NF2: variants seen among roughly 807,000 people sequenced by gnomAD.
NF2 encodes the protein merlin.
Under a neutral mutation model 83.7 loss-of-function variants are expected in NF2, and 8 were observed. The ratio of observed to expected loss-of-function variants is 0.10; its 90% CI spans 0.06 to 0.17. The LOEUF is 0.17. NF2 is among the 10% of genes least tolerant of loss of function. The pLI, the probability that NF2 is intolerant of heterozygous loss-of-function variation, is 1.00. For synonymous variants in NF2, 266 were observed against 269.6 expected (o/e 0.99, Z 0.13); for missense variants, 533 against 744.4 (o/e 0.72, Z 3.31).
At chr22:29,683,981 A>T in intron 15 of NF2, 1 of 973,672 alleles carries the variant, frequency 1.0e-6, no homozygotes, top group South Asian at 4.8e-5. Context: ...GCAGCATAGG[A>T]TGTGTCCTTT....
chr22:29,604,215 C>T (rs2064723499), intron 1 of NF2, 103 bp downstream of exon 1: 1 of 952,312 alleles, frequency 1.1e-6, no homozygotes, highest in Admixed American at 2.0e-5. Context: ...CGGGCAGAAC[C>T]GGAAGGGCCA....
chr22:29,667,549 C>T (rs1601635193), intron 9 of NF2, among the ~76,000 whole-genome samples: 1 of 151,874 alleles, frequency 6.6e-6, no homozygotes, highest in East Asian at 1.9e-4. Flanking sequence ...CAGGTCTGGC[C>T]AAATGTTTTG....
chr22:29,697,058 C>T lies in NF2; in HGVS notation c.*2256C>T. ...TCTCGAACTCCTGACCTCAGGTGAT[C>T]CTCCCACCCCGGCTTCCCAAAGTTC... On this transcript the variant is annotated 3_prime_UTR_variant, in exon 16 of 16. Coordinates refer to ENST00000338641, the MANE Select transcript of NF2 (RefSeq NM_000268.4). The T allele has an allele frequency of 5.2e-6, 1 of 191,000 alleles. No individual in the cohort carries two copies. Among genetic ancestry groups the T allele is most frequent in the Non-Finnish European group, 1.1e-5 (1 of 91,090 alleles). 11.8% of individuals were successfully genotyped at this position (191,000 alleles called of 1,614,324 possible). A position where few individuals can be genotyped will look rare whatever the true frequency, so the allele number is the denominator to read the frequency against.
At chr22:29,653,987 G>A (rs76319789) in intron 4 of NF2, among the ~76,000 whole-genome samples, 1 of 134,936 alleles carries the variant, frequency 7.4e-6, no homozygotes, top group Non-Finnish European at 1.7e-5. Context: ...TCTAGGAAAG[G>A]AGTTTTTTTT....
intron 6 of NF2, among the ~76,000 whole-genome samples, chr22:29,656,703 C>T (rs1242247585): frequency 1.3e-5 from 2 of 152,216 alleles, no homozygotes; most frequent in African/African-American, 4.8e-5. Flanking sequence ...TGAGCCACCG[C>T]GCCCAGCCAA....
intron 1 of NF2, among the ~76,000 whole-genome samples, chr22:29,614,805 T>G (rs2065042889): frequency 6.6e-6 from 1 of 152,014 alleles, no homozygotes; most frequent in African/African-American, 2.4e-5. Context: ...CTGAGCACTT[T>G]AGGATGTTGA....
At chr22:29,608,944 C>G in intron 1 of NF2, 2 of 593,160 alleles carry the variant, frequency 3.4e-6, no homozygotes. Flanking sequence ...TCAATGCTAC[C>G]TGGCCAATTT....
At chr22:29,672,433 C>T (rs1001535389) in intron 11 of NF2, among the ~76,000 whole-genome samples, 3 of 151,836 alleles carry the variant, frequency 2.0e-5, no homozygotes, top group Non-Finnish European at 2.9e-5. Context: ...CCTGCCTCAG[C>T]CTCCTGAGCA....
At chr22:29,672,725 C>T (rs1389427477) in intron 11 of NF2, among the ~76,000 whole-genome samples, 2 of 151,882 alleles carry the variant, frequency 1.3e-5, no homozygotes, top group Non-Finnish European at 2.9e-5. Flanking sequence ...AAGCGATTCT[C>T]CTGCCTCAGC....
At chr22:29,643,309 T>TA (rs1555989078) in intron 4 of NF2, among the ~76,000 whole-genome samples, 13 of 151,414 alleles carry the variant, frequency 8.6e-5, no homozygotes, top group African/African-American at 2.7e-4. Context: ...TTTTTTTTTT[T>TA]ATTGATCATT....
At chr22:29,681,346 A>T (rs1219600369) in intron 14 of NF2, 93 bp from the exon 15 acceptor site, 24 of 1,522,462 alleles carry the variant, frequency 1.6e-5, no homozygotes, top group Non-Finnish European at 2.0e-5. Flanking sequence ...CAAACCCTAG[A>T]TCGCACACCA....
Position 29,665,058 on chromosome 22 carries a change from T to C in NF2, c.879T>C (p.Asn293=), listed in dbSNP as rs151198477. The part of the protein sequence containing the change: ...FKFNSSKLRV[N]KLILQLCIGN... The stretch of plus-strand genomic sequence containing the variant: ...TTAACTCCTCAAAGCTTCGTGTTAA[T>C]AAGCTGGTAAGTTGAGATCCTGGTT... The change falls in exon 9 of 16, where the codon AAT becomes AAC. Residue 293 remains asparagine, a synonymous_variant. Coordinates refer to ENST00000338641, the MANE Select transcript of NF2 (RefSeq NM_000268.4). 16 of 1,612,066 alleles carry C rather than the reference T, an allele frequency of 9.9e-6. No homozygotes were observed. In the African/African-American group the frequency reaches 2.0e-4, roughly 20 times the overall value.
chr22:29,615,405 T>C (rs971447019), intron 1 of NF2, among the ~76,000 whole-genome samples: 1 of 151,958 alleles, frequency 6.6e-6, no homozygotes. Flanking sequence ...AGACCTTTTC[T>C]CTACAAAAAA....
chr22:29,686,269 A>G (rs2067268866), intron 15 of NF2, among the ~76,000 whole-genome samples: 1 of 152,264 alleles, frequency 6.6e-6, no homozygotes, highest in African/African-American at 2.4e-5. Context: ...ACACCGCCAC[A>G]TCTAGGTACA....
intron 4 of NF2, among the ~76,000 whole-genome samples, chr22:29,645,346 T>C (rs2065954359): frequency 6.6e-6 from 1 of 152,128 alleles, no homozygotes; most frequent in South Asian, 2.1e-4. Flanking sequence ...ATTCAGACAA[T>C]CTTGGGCAAA....
chr22:29,674,937 A>T lies in NF2; in HGVS notation c.1442A>T (p.Tyr481Phe), dbSNP rs2066916034. Residue 481 changes from tyrosine to phenylalanine, a missense_variant, in exon 13 of 16, where the codon TAC becomes TTC. Tyr to Phe is a conservative substitution (Grantham distance 22). This residue lies in a region of NF2 where 199 missense variants were observed against 240.7 expected (regional missense o/e 0.83). Transcript: ENST00000338641. ...CTGGAGATTGCCACCAAGCCCACGTACCCGGTGAGCCTGGGGGCCACCAGC... is the reference window on the plus strand; with the variant it reads ...CTGGAGATTGCCACCAAGCCCACGTTCCCGGTGAGCCTGGGGGCCACCAGC... ...KLLEIATKPT[Y>F]PPMNPIPAPL... 6.4e-7 allele frequency: 1 copy of T among 1,563,136 alleles called. No homozygotes were observed. Among genetic ancestry groups the T allele is most frequent in the Non-Finnish European group, 8.7e-7 (1 of 1,153,016 alleles).
intron 14 of NF2, among the ~76,000 whole-genome samples, chr22:29,680,409 C>T (rs2267150): frequency 0.3 from 46,088 of 152,126 alleles, 7,354 homozygotes; most frequent in Non-Finnish European, 0.36. Context: ...CACACCCAGC[C>T]GGTGATTAGG....
intron 1 of NF2, among the ~76,000 whole-genome samples, chr22:29,630,854 AC>A (rs1172044417): frequency 6.6e-6 from 1 of 152,208 alleles, no homozygotes; most frequent in African/African-American, 2.4e-5. Flanking sequence ...TCTTTTGGCA[AC>A]CTGTTGAGGA....
Position 29,603,830 on chromosome 22 carries a change from T to C in NF2, c.-169T>C. On this transcript the variant is annotated 5_prime_UTR_variant, in exon 1 of 16. Coordinates refer to ENST00000338641, the MANE Select transcript of NF2 (RefSeq NM_000268.4). The stretch of plus-strand genomic sequence containing the variant: ...AACTCCCCTTTCCGCTCAGGCAGGG[T>C]CCTCGCGGCCCATGCTGGCCGCTGG... 1.7e-6 allele frequency: 1 copy of C among 591,844 alleles called. No homozygotes were observed. 36.7% of individuals were successfully genotyped at this position (591,844 alleles called of 1,614,324 possible).
Sources: gnomAD v4.1 joint callset for allele counts (sites outside exome capture counted in the v4.1 genomes callset) on GRCh38, gnomAD v4.1.1 for gene constraint, gnomAD v4.1.1 regional missense constraint, MANE v1.5 for transcripts, NCBI Gene and HGNC (gene_info 2026-07-23, HGNC 2026-07-21) for gene names.